The following IMMP2L variants were observed in gnomAD, a reference collection of about 807,000 sequenced individuals.
IMMP2L encodes mitochondrial inner membrane protease subunit 2.
Under a neutral mutation model 19.3 loss-of-function variants are expected in IMMP2L, and 18 were observed. The ratio of observed to expected loss-of-function variants is 0.93; its 90% CI spans 0.64 to 1.38. The LOEUF (loss-of-function observed/expected upper bound fraction) is 1.38. Ranked by LOEUF, IMMP2L falls within the 40% of genes most tolerant of loss-of-function variation. The pLI, the probability that IMMP2L is intolerant of heterozygous loss-of-function variation, is 0.00. For missense variants in IMMP2L, 233 were observed against 218.2 expected, an observed-to-expected ratio of 1.07 and a Z score of -0.43; for synonymous variants, 76 against 73.0, an observed-to-expected ratio of 1.04 and a Z score of -0.21.
chr7:110,747,499 A>G (rs1225642135), intron 5 of IMMP2L, among the ~76,000 whole-genome samples: 1 of 152,194 alleles, frequency 6.6e-6, no homozygotes, highest in South Asian at 2.1e-4. Context: ...AAAATCCTCA[A>G]TAAAATATTA....
At position 111,156,192 on chromosome 7, in the gene IMMP2L, C is replaced by T. The variant is rs114974475; in HGVS notation, c.240-192627G>A. On this transcript the variant is annotated intron_variant, in intron 3 of 5. Coordinates refer to ENST00000405709, the MANE Select transcript of IMMP2L (RefSeq NM_032549.4). The stretch of plus-strand genomic sequence containing the variant: ...ATAGATTTTTTGGTATAATTACACA[C>T]ATTTTTTGGTTTGGACTGTATTTAG... Among the ~76,000 whole-genome samples, 1,204 of 152,084 alleles carry T rather than the reference C, an allele frequency of 7.9e-3. 14 individuals are homozygous for T. Among genetic ancestry groups the T allele is most frequent in the African/African-American group, 0.025 (1,054 of 41,486 alleles).
chr7:110,899,613 C>T lies in IMMP2L; in HGVS notation c.306-12918G>A, dbSNP rs1028110280. ...TATATTACAAACCCATATTACAATA[C>T]CCAGACTACCAGCATTCATATGAAT... is the stretch of plus-strand genomic sequence containing the variant. On this transcript the variant is annotated intron_variant, in intron 4 of 5. Coordinates refer to ENST00000405709, the MANE Select transcript of IMMP2L (RefSeq NM_032549.4). 3.3e-5 allele frequency among the ~76,000 whole-genome samples: 5 copies of T among 152,224 alleles called. No homozygotes were observed. The East Asian group carries it at 9.6e-4, about 29-fold the overall frequency.
At chr7:111,545,189 A>T (rs61121544) in intron 1 of IMMP2L, among the ~76,000 whole-genome samples, 2,077 of 152,250 alleles carry the variant, frequency 0.014, 43 homozygotes, top group African/African-American at 0.048. Flanking sequence ...AGCTCTGCCC[A>T]TAGATGCTTC....
chr7:111,262,046 G>C (rs1817363264), intron 3 of IMMP2L, among the ~76,000 whole-genome samples: 1 of 152,060 alleles, frequency 6.6e-6, no homozygotes, highest in South Asian at 2.1e-4. Flanking sequence ...CCTCAGCCAA[G>C]GTAGTGGTAG....
chr7:110,769,197 G>A (rs1489481671), intron 5 of IMMP2L, among the ~76,000 whole-genome samples: 4 of 151,848 alleles, frequency 2.6e-5, no homozygotes, highest in African/African-American at 7.3e-5. Flanking sequence ...TGTTATTTTC[G>A]TTACCTGCCT....
chr7:111,341,372 C>CATAATG (rs2085136614), intron 3 of IMMP2L, among the ~76,000 whole-genome samples: 1 of 151,960 alleles, frequency 6.6e-6, no homozygotes, highest in Non-Finnish European at 1.5e-5. Flanking sequence ...ACTCAGCAAA[C>CATAATG]ATAATGAATG....
Position 110,742,749 on chromosome 7 carries a change from C to T in IMMP2L, c.409-79028G>A, listed in dbSNP as rs930391849. 4.9e-5 allele frequency among the ~76,000 whole-genome samples: 6 copies of T among 122,942 alleles called. No homozygotes were observed. The South Asian group carries it at 1.1e-3, about 22-fold the overall frequency. The allele number at this position is 122,942 out of a possible 152,430, so 80.7% of individuals were successfully genotyped here. On this transcript the variant is annotated intron_variant, in intron 5 of 5. Coordinates refer to ENST00000405709, the MANE Select transcript of IMMP2L (RefSeq NM_032549.4). Reference sequence around the variant, plus strand: ...CACCACTGCACTCCAGCCTGGGCAACAAGAGCTAAACTCCGTCTCAAAAAA... The same window carrying T: ...CACCACTGCACTCCAGCCTGGGCAATAAGAGCTAAACTCCGTCTCAAAAAA...
At chr7:110,802,559 A>T (rs1233337967) in intron 5 of IMMP2L, among the ~76,000 whole-genome samples, 1 of 152,106 alleles carries the variant, frequency 6.6e-6, no homozygotes, top group Non-Finnish European at 1.5e-5. Context: ...GAAAATAAGC[A>T]TTCAAATATT....
At chr7:111,141,134 T>C (rs1205438212) in intron 3 of IMMP2L, among the ~76,000 whole-genome samples, 1 of 152,192 alleles carries the variant, frequency 6.6e-6, no homozygotes, top group East Asian at 1.9e-4. Context: ...CTGGGGTGAC[T>C]GGGGATGGAG....
rs1006841844 is a variant in IMMP2L, at chr7:111,299,321, C to T, written c.239+187917G>A. On this transcript the variant is annotated intron_variant, in intron 3 of 5. Coordinates refer to ENST00000405709, the MANE Select transcript of IMMP2L (RefSeq NM_032549.4). The stretch of plus-strand genomic sequence containing the variant: ...AAAGCTACATGAACATAGAACCGGC[C>T]AGAATACCAAACAGTGGTGGTACAC... Among the ~76,000 whole-genome samples, 8 of 152,124 alleles carry T rather than the reference C, an allele frequency of 5.3e-5. No individual in the cohort carries two copies. The Middle Eastern group carries it at 0.017, about 323-fold the overall frequency.
chr7:110,783,797 A>C lies in IMMP2L; in HGVS notation c.408+102796T>G, dbSNP rs927280650. On this transcript the variant is annotated intron_variant, in intron 5 of 5. Coordinates refer to ENST00000405709, the MANE Select transcript of IMMP2L (RefSeq NM_032549.4). ...GTAAATGTGGAGAAGCAAGCTCTCT[A>C]AGGAGTCAAAGGTTTACAGAGAACA... Among the ~76,000 whole-genome samples the C allele has an allele frequency of 2.6e-5, 4 of 151,982 alleles. No individual in the cohort carries two copies. In the East Asian group the frequency reaches 7.8e-4, roughly 30 times the overall value.
intron 3 of IMMP2L, among the ~76,000 whole-genome samples, chr7:111,220,559 G>C (rs1327842251): frequency 2.0e-5 from 3 of 151,142 alleles, no homozygotes; most frequent in African/African-American, 7.3e-5. Flanking sequence ...TATTACTCAG[G>C]CTTCTCCAGA....
intron 5 of IMMP2L, among the ~76,000 whole-genome samples, chr7:110,813,532 A>G (rs1487922394): frequency 3.3e-5 from 5 of 151,688 alleles, no homozygotes; most frequent in African/African-American, 1.2e-4. Flanking sequence ...GGCTCAAAAC[A>G]TCCTCCCACT....
At chr7:111,403,445 A>T (rs1402849502) in intron 3 of IMMP2L, among the ~76,000 whole-genome samples, 1 of 149,820 alleles carries the variant, frequency 6.7e-6, no homozygotes, top group African/African-American at 2.5e-5. Context: ...AATACAGCCC[A>T]GGTATATATA....
chr7:111,097,845 T>G (rs1797567288), intron 3 of IMMP2L, among the ~76,000 whole-genome samples: 1 of 151,916 alleles, frequency 6.6e-6, no homozygotes, highest in South Asian at 2.1e-4. Flanking sequence ...TTTCAATAGT[T>G]GCAGGAAATA....
intron 1 of IMMP2L, among the ~76,000 whole-genome samples, chr7:111,525,090 TA>T (rs1444583538): frequency 6.6e-6 from 1 of 152,250 alleles, no homozygotes; most frequent in African/African-American, 2.4e-5. Context: ...GAAAATCACA[TA>T]AACATACATA....
chr7:111,460,912 C>T (rs1840081962), intron 3 of IMMP2L, among the ~76,000 whole-genome samples: 1 of 151,990 alleles, frequency 6.6e-6, no homozygotes, highest in Non-Finnish European at 1.5e-5. Flanking sequence ...TAGTATAGTT[C>T]CTTCTCATAT....
intron 3 of IMMP2L, among the ~76,000 whole-genome samples, chr7:111,082,112 C>T (rs1208323104): frequency 6.6e-6 from 1 of 152,146 alleles, no homozygotes; most frequent in Non-Finnish European, 1.5e-5. Flanking sequence ...GGCTACAAAT[C>T]CTGAGGTCTG....
chr7:111,252,822 A>G (rs373810886), intron 3 of IMMP2L, among the ~76,000 whole-genome samples: 76 of 152,280 alleles, frequency 5.0e-4, no homozygotes, highest in African/African-American at 1.8e-3. Context: ...GACATTTTCT[A>G]TTGCATATTC....
Sources: gnomAD v4.1 joint callset for allele counts (sites outside exome capture counted in the v4.1 genomes callset) on GRCh38, gnomAD v4.1.1 for gene constraint, MANE v1.5 for transcripts, NCBI Gene and HGNC (gene_info 2026-07-23, HGNC 2026-07-21) for gene names.